Variants in ZBTB20 observed in about 807,000 individuals in gnomAD.
The protein encoded by ZBTB20 is zinc finger and BTB domain-containing protein 20.
A neutral mutation model predicts 56.9 loss-of-function variants in ZBTB20; 9 were observed. The ratio of observed to expected loss-of-function variants is 0.16; its 90% confidence interval spans 0.10 to 0.28. The LOEUF (loss-of-function observed/expected upper bound fraction) is 0.28. Ranked by LOEUF, ZBTB20 falls within the 10% of genes least tolerant of loss-of-function variation. The probability of loss-of-function intolerance (pLI) is 1.00; values close to 1 mark genes in which losing one functional copy is unlikely to be tolerated. For missense variants in ZBTB20, 655 were observed against 1,003.0 expected (o/e 0.65, Z 4.69); for synonymous variants, 417 against 420.7 (o/e 0.99, Z 0.11).
chr3:114,373,386 C>CAA (rs2083262144), intron 10 of ZBTB20, among the ~76,000 whole-genome samples: 1 of 152,220 alleles, frequency 6.6e-6, no homozygotes, highest in Non-Finnish European at 1.5e-5. Flanking sequence ...TACCCAAATA[C>CAA]AAATCTTCCC....
chr3:114,775,530 T>C (rs1323550802), intron 5 of ZBTB20, among the ~76,000 whole-genome samples: 3 of 150,468 alleles, frequency 2.0e-5, no homozygotes, highest in Non-Finnish European at 3.0e-5. Context: ...GCAATACATG[T>C]GGGCTTTTGG....
At chr3:114,540,123 C>G (rs899651570) in intron 6 of ZBTB20, among the ~76,000 whole-genome samples, 2 of 151,924 alleles carry the variant, frequency 1.3e-5, no homozygotes, top group Admixed American at 6.6e-5. Flanking sequence ...TCCACGTATT[C>G]TCATCATTTA....
At chr3:115,009,125 G>C (rs1048219226) in intron 2 of ZBTB20, among the ~76,000 whole-genome samples, 1 of 151,346 alleles carries the variant, frequency 6.6e-6, no homozygotes, top group Admixed American at 6.6e-5. Context: ...ATTTTCTTCT[G>C]TTTCTTGGAT....
At chr3:115,097,977 T>C (rs1406057449) in intron 1 of ZBTB20, among the ~76,000 whole-genome samples, 1 of 152,230 alleles carries the variant, frequency 6.6e-6, no homozygotes, top group Non-Finnish European at 1.5e-5. Flanking sequence ...AAAGAAAACA[T>C]ATACACATTC....
chr3:114,761,171 A>T (rs1003000849), intron 5 of ZBTB20, among the ~76,000 whole-genome samples: 1 of 152,192 alleles, frequency 6.6e-6, no homozygotes, highest in African/African-American at 2.4e-5. Flanking sequence ...TACAAAGTTT[A>T]TTAATTCATT....
At chr3:114,913,959 T>A (rs532535628) in intron 3 of ZBTB20, among the ~76,000 whole-genome samples, 4 of 152,234 alleles carry the variant, frequency 2.6e-5, no homozygotes, top group African/African-American at 7.2e-5. Context: ...GGTATGCCAG[T>A]ACCATGCTCT....
chr3:114,771,751 CCT>C (rs2069220905), intron 5 of ZBTB20, among the ~76,000 whole-genome samples: 1 of 152,162 alleles, frequency 6.6e-6, no homozygotes, highest in African/African-American at 2.4e-5. Flanking sequence ...TTCCTTATCC[CCT>C]CTTTGTCCAC....
At position 114,315,093 on chromosome 3, in the gene ZBTB20, A is replaced by G. The variant is rs970033936; in HGVS notation, c.*23912T>C. 3 of 152,174 alleles carry G rather than the reference A, an allele frequency of 2.0e-5. No homozygotes were observed. Among genetic ancestry groups the G allele is most frequent in the African/African-American group, 7.2e-5 (3 of 41,448 alleles). The allele number at this position is 152,174 out of a possible 1,614,324, so 9.4% of individuals were successfully genotyped here. ...AGAGTATAATGAGAAAAAAAAAGGA[A>G]CAAACTCCCTCTCAAAACTATTGAC... On this transcript the variant is annotated 3_prime_UTR_variant, in exon 12 of 12. Transcript: ENST00000675478.
intron 6 of ZBTB20, among the ~76,000 whole-genome samples, chr3:114,654,158 A>T (rs764450929): frequency 5.3e-5 from 8 of 151,768 alleles, no homozygotes; most frequent in Non-Finnish European, 1.2e-4. Flanking sequence ...GTTTAAAATG[A>T]TTATACTTTC....
At chr3:115,082,321 C>T (rs2082825952) in intron 1 of ZBTB20, among the ~76,000 whole-genome samples, 1 of 152,198 alleles carries the variant, frequency 6.6e-6, no homozygotes, top group Admixed American at 6.6e-5. Context: ...TATGATCTCA[C>T]AAGCACATTA....
intron 6 of ZBTB20, among the ~76,000 whole-genome samples, chr3:114,606,624 G>A (rs988759632): frequency 1.3e-5 from 2 of 151,990 alleles, no homozygotes; most frequent in African/African-American, 4.8e-5. Context: ...AGACATGCTG[G>A]GCTGACAAGG....
rs1217587124 is a variant in ZBTB20, at chr3:114,322,279, GTTGT to G, written c.*16722_*16725del. On this transcript the variant is annotated 3_prime_UTR_variant, in exon 12 of 12. Coordinates refer to ENST00000675478, the MANE Select transcript of ZBTB20 (RefSeq NM_001348800.3). ...AAGATCATTTACAGTGTCAAGTAGT[GTTGT>G]TTATTTTTTTCTATTTTTTAAACCT... is the stretch of plus-strand genomic sequence containing the variant. 1 of 152,182 alleles carries G rather than the reference GTTGT, an allele frequency of 6.6e-6. No homozygotes were observed. The highest frequency in any genetic ancestry group is 1.5e-5 in the Non-Finnish European group (1 of 68,034). 9.4% of individuals were successfully genotyped at this position (152,182 alleles called of 1,614,324 possible).
At chr3:114,992,583 T>A (rs2078862823) in intron 2 of ZBTB20, among the ~76,000 whole-genome samples, 1 of 151,828 alleles carries the variant, frequency 6.6e-6, no homozygotes, top group Non-Finnish European at 1.5e-5. Context: ...TAGAGCACCA[T>A]AGCCACATAT....
chr3:114,514,576 T>C (rs1214355032), intron 6 of ZBTB20, among the ~76,000 whole-genome samples: 1 of 152,188 alleles, frequency 6.6e-6, no homozygotes, highest in African/African-American at 2.4e-5. Flanking sequence ...AAGCACTAAC[T>C]TCTTAGCCCA....
chr3:115,104,528 A>G (rs1439205064), intron 1 of ZBTB20, among the ~76,000 whole-genome samples: 1 of 152,256 alleles, frequency 6.6e-6, no homozygotes, highest in African/African-American at 2.4e-5. Context: ...ATGAGATATC[A>G]AGCCATGAAA....
chr3:114,978,171 A>C (rs902675871), intron 2 of ZBTB20, among the ~76,000 whole-genome samples: 1 of 151,018 alleles, frequency 6.6e-6, no homozygotes, highest in African/African-American at 2.4e-5. Flanking sequence ...AAAATGAGCA[A>C]AATACATGAA....
rs1378412335 is a variant in ZBTB20, at chr3:114,320,297, T to G, written c.*18708A>C. On this transcript the variant is annotated 3_prime_UTR_variant, in exon 12 of 12. Transcript: ENST00000675478. ...TTTTTAAACAGTGAAATATGTCCAATTTTATTTCCAGTGCATTAAACAAAT... is the reference window on the plus strand; with the variant it reads ...TTTTTAAACAGTGAAATATGTCCAAGTTTATTTCCAGTGCATTAAACAAAT... 1.3e-5 allele frequency: 2 copies of G among 152,196 alleles called. No homozygotes were observed. Among genetic ancestry groups the G allele is most frequent in the Non-Finnish European group, 2.9e-5 (2 of 68,024 alleles). 9.4% of individuals were successfully genotyped at this position (152,196 alleles called of 1,614,324 possible).
chr3:114,951,620 A>G (rs1008392820), intron 3 of ZBTB20, among the ~76,000 whole-genome samples: 2 of 152,160 alleles, frequency 1.3e-5, no homozygotes, highest in African/African-American at 4.8e-5. Context: ...GGAATCTTGT[A>G]TCTTACAACC....
chr3:115,076,126 T>C (rs986417783), intron 1 of ZBTB20, among the ~76,000 whole-genome samples: 26 of 152,166 alleles, frequency 1.7e-4, no homozygotes, highest in African/African-American at 6.0e-4. Flanking sequence ...AGATGGAAGA[T>C]ATCCTGTGTT....
Sources: gnomAD v4.1 joint callset for allele counts (sites outside exome capture counted in the v4.1 genomes callset) on GRCh38, gnomAD v4.1.1 for gene constraint, MANE v1.5 for transcripts, NCBI Gene and HGNC (gene_info 2026-07-23, HGNC 2026-07-21) for gene names.